Variants in AGBL4 observed in about 807,000 individuals in gnomAD.
The protein encoded by AGBL4 is cytosolic carboxypeptidase 6.
A neutral mutation model predicts 66.4 loss-of-function variants in AGBL4; 58 were observed. That is an observed-to-expected ratio of 0.87 (90% CI 0.71 to 1.09). The LOEUF is 1.09. Among genes scored for constraint, AGBL4 ranks in the 50% least tolerant of loss-of-function variants. The probability of loss-of-function intolerance (pLI) is 0.00; values close to 1 mark genes in which losing one functional copy is unlikely to be tolerated. For synonymous variants in AGBL4, 234 were observed against 222.9 expected, an observed-to-expected ratio of 1.05 and a Z score of -0.44; for missense variants, 579 against 631.0, an observed-to-expected ratio of 0.92 and a Z score of 0.88.
At chr1:49,497,961 G>T (rs1187858879) in intron 3 of AGBL4, among the ~76,000 whole-genome samples, 3 of 151,772 alleles carry the variant, frequency 2.0e-5, no homozygotes, top group Non-Finnish European at 2.9e-5. Context: ...TTTTCATCTG[G>T]GGTAATATGG....
chr1:49,295,421 T>C (rs372873581), intron 3 of AGBL4, among the ~76,000 whole-genome samples: 3 of 152,180 alleles, frequency 2.0e-5, no homozygotes, highest in African/African-American at 7.2e-5. Context: ...ACTTAAGACT[T>C]TGAGGAAAAG....
chr1:48,883,679 G>A (rs1650005546), intron 5 of AGBL4, among the ~76,000 whole-genome samples: 1 of 152,162 alleles, frequency 6.6e-6, no homozygotes, highest in African/African-American at 2.4e-5. Context: ...ATTCACCACT[G>A]TAGCCCCACC....
At chr1:49,847,993 G>A (rs1646198660) in intron 2 of AGBL4, among the ~76,000 whole-genome samples, 1 of 152,302 alleles carries the variant, frequency 6.6e-6, no homozygotes, top group South Asian at 2.1e-4. Context: ...GAGCCACCAT[G>A]CCTGGCCCAA....
chr1:49,139,725 T>C (rs748552143), intron 4 of AGBL4, among the ~76,000 whole-genome samples: 5 of 152,172 alleles, frequency 3.3e-5, no homozygotes, highest in Non-Finnish European at 7.3e-5. Context: ...TCCTATCCCA[T>C]AGGATTATTA....
intron 5 of AGBL4, among the ~76,000 whole-genome samples, chr1:49,019,144 GA>G (rs1663051541): frequency 6.6e-6 from 1 of 152,188 alleles, no homozygotes; most frequent in South Asian, 2.1e-4. Context: ...CTCTGTGCCT[GA>G]AAGAGTGTCT....
At chr1:49,096,837 A>G (rs905794811) in intron 4 of AGBL4, among the ~76,000 whole-genome samples, 1 of 152,050 alleles carries the variant, frequency 6.6e-6, no homozygotes, top group Non-Finnish European at 1.5e-5. Flanking sequence ...CTTAAAGTAT[A>G]ATAATAAAAA....
At chr1:49,268,237 T>G (rs550115557) in intron 3 of AGBL4, 1 of 152,076 alleles carries the variant, frequency 6.6e-6, no homozygotes, top group South Asian at 2.1e-4. Context: ...GCTACGGAGT[T>G]AATAGGACAG....
chr1:49,753,049 G>C (rs1011232804), intron 2 of AGBL4, among the ~76,000 whole-genome samples: 2 of 152,088 alleles, frequency 1.3e-5, no homozygotes, highest in African/African-American at 2.4e-5. Flanking sequence ...CTGTTAATTG[G>C]GGCATTTAGC....
chr1:48,539,918 C>T (rs775259000), intron 11 of AGBL4, among the ~76,000 whole-genome samples, 180 bp from the exon 12 acceptor site: 6 of 152,100 alleles, frequency 3.9e-5, no homozygotes, highest in Non-Finnish European at 7.3e-5. Flanking sequence ...CTATTATTAT[C>T]CTAATTTTAT....
At chr1:48,553,292 T>C (rs67696369) in intron 11 of AGBL4, among the ~76,000 whole-genome samples, 8,895 of 152,244 alleles carry the variant, frequency 0.058, 266 homozygotes, top group South Asian at 0.1. Flanking sequence ...TCTGCTTTTC[T>C]GAGAGATATT....
intron 6 of AGBL4, among the ~76,000 whole-genome samples, chr1:48,813,367 A>C (rs1368929485): frequency 2.0e-5 from 3 of 152,186 alleles, no homozygotes; most frequent in African/African-American, 7.2e-5. Context: ...AAACAAAAAA[A>C]CTTCAGTTCA....
intron 3 of AGBL4, among the ~76,000 whole-genome samples, chr1:49,534,856 G>A (rs961232471): frequency 2.0e-5 from 3 of 152,208 alleles, no homozygotes; most frequent in African/African-American, 7.2e-5. Context: ...TACTGCTGAT[G>A]GATAAAAGTT....
chr1:48,962,902 TAAC>T (rs1658114287), intron 5 of AGBL4, among the ~76,000 whole-genome samples: 1 of 151,838 alleles, frequency 6.6e-6, no homozygotes, highest in Non-Finnish European at 1.5e-5. Context: ...GTGGAGATAA[TAAC>T]AATATGTACC....
At chr1:48,868,470 ACTGT>A (rs1367344688) in intron 5 of AGBL4, among the ~76,000 whole-genome samples, 4 of 152,174 alleles carry the variant, frequency 2.6e-5, no homozygotes, top group Admixed American at 6.5e-5. Flanking sequence ...GAGGGGAGAA[ACTGT>A]CTGTCCAAGA....
At chr1:48,732,427 C>T (rs987368062) in intron 6 of AGBL4, among the ~76,000 whole-genome samples, 10 of 152,034 alleles carry the variant, frequency 6.6e-5, no homozygotes, top group Admixed American at 2.6e-4. Context: ...GAACAAGATG[C>T]TCATAAAGTT....
At chr1:48,826,427 A>G (rs576949519) in intron 6 of AGBL4, among the ~76,000 whole-genome samples, 35 of 152,318 alleles carry the variant, frequency 2.3e-4, no homozygotes, top group African/African-American at 7.7e-4. Flanking sequence ...TTAGCAAAAC[A>G]TGTATGTGAG....
intron 3 of AGBL4, among the ~76,000 whole-genome samples, chr1:49,600,481 A>G (rs982343998): frequency 2.6e-5 from 4 of 152,002 alleles, no homozygotes; most frequent in African/African-American, 9.7e-5. Context: ...TCCTCCACCA[A>G]TTATTTTGAG....
chr1:49,764,347 G>A (rs1026103879), intron 2 of AGBL4, among the ~76,000 whole-genome samples: 3 of 152,068 alleles, frequency 2.0e-5, no homozygotes, highest in Non-Finnish European at 2.9e-5. Context: ...CAGCCACACC[G>A]CTTATGCCTA....
intron 3 of AGBL4, among the ~76,000 whole-genome samples, chr1:49,466,462 A>C (rs1327302197): frequency 2.0e-5 from 3 of 151,612 alleles, no homozygotes; most frequent in African/African-American, 4.8e-5. Context: ...AAATCGACAG[A>C]GGCAATGAAT....
Sources: allele counts gnomAD v4.1 joint callset (sites outside exome capture counted in the v4.1 genomes callset), GRCh38; gene constraint gnomAD v4.1.1; transcripts MANE v1.5; gene names NCBI Gene and HGNC (gene_info 2026-07-23, HGNC 2026-07-21).